Variants in SAFB observed in about 807,000 individuals in gnomAD.
SAFB encodes scaffold attachment factor B.
A neutral mutation model predicts 101.6 loss-of-function variants in SAFB; 15 were observed. The ratio of observed to expected loss-of-function variants is 0.15; its 90% CI spans 0.10 to 0.23. The LOEUF (loss-of-function observed/expected upper bound fraction) is 0.23. Among genes scored for constraint, SAFB ranks in the 10% least tolerant of loss-of-function variants. The probability of loss-of-function intolerance (pLI) is 1.00; values close to 1 mark genes in which losing one functional copy is unlikely to be tolerated. For synonymous variants in SAFB, 449 were observed against 407.5 expected, an observed-to-expected ratio of 1.10 and a Z score of -1.23; for missense variants, 930 against 1,104.1, an observed-to-expected ratio of 0.84 and a Z score of 2.23.
At chr19:5,639,324 G>T (rs1246896422) in intron 2 of SAFB, among the ~76,000 whole-genome samples, 1 of 152,170 alleles carries the variant, frequency 6.6e-6, no homozygotes, top group African/African-American at 2.4e-5. Context: ...TTAGCCTTCA[G>T]TATGGAGGAG....
chr19:5,625,492 G>A (rs1244480814), intron 1 of SAFB, among the ~76,000 whole-genome samples: 1 of 152,208 alleles, frequency 6.6e-6, no homozygotes, highest in Non-Finnish European at 1.5e-5. Context: ...GGGAAACTTG[G>A]AGGCTTCCAA....
chr19:5,667,647 C>T lies in SAFB; in HGVS notation c.2558-173C>T. 1 of 720,366 alleles carries T rather than the reference C, an allele frequency of 1.4e-6. No individual in the cohort carries two copies. The highest frequency in any genetic ancestry group is 2.4e-6 in the Non-Finnish European group (1 of 424,602). The allele number at this position is 720,366 out of a possible 1,614,324, so 44.6% of individuals were successfully genotyped here. A position where few individuals can be genotyped will look rare whatever the true frequency, so the allele number is the denominator to read the frequency against. ...TGGACAGTGGGCGTTCCCGAGTTCT[C>T]TCTGCTGGGAGGAAGCTGGACGTCT... On this transcript the variant is annotated intron_variant, in intron 19 of 20. Transcript: ENST00000588852. This position sits in a 1 kb window ranked among gnomAD's most constrained non-coding sequence, Gnocchi z 4.0.
intron 13 of SAFB, among the ~76,000 whole-genome samples, chr19:5,656,315 A>G (rs996495440): frequency 6.6e-6 from 1 of 152,042 alleles, no homozygotes; most frequent in Non-Finnish European, 1.5e-5. Context: ...TCTGTGGCCC[A>G]GGCTGGAATA....
intron 17 of SAFB, 111 bp from the exon 18 acceptor site, chr19:5,666,935 T>G: frequency 1.3e-6 from 1 of 795,344 alleles, no homozygotes; most frequent in South Asian, 1.3e-5. Flanking sequence ...CTGCCAGCAC[T>G]TCTGTCCCGA....
At chr19:5,656,575 A>AT (rs918418902) in intron 13 of SAFB, among the ~76,000 whole-genome samples, 11,458 of 128,340 alleles carry the variant, frequency 0.089, 735 homozygotes, top group South Asian at 0.13. Flanking sequence ...TGCGCCAGCA[A>AT]TTTTTTTTTT....
rs764089730 is a variant in SAFB at position 5,623,343 on chromosome 19, G to T, written c.138G>T (p.Arg46=). 5 of 1,613,960 alleles carry T rather than the reference G, an allele frequency of 3.1e-6. No homozygotes were observed. Among genetic ancestry groups the T allele is most frequent in the Admixed American group, 1.7e-5 (1 of 60,006 alleles). Residue 46 remains arginine, a synonymous_variant, in exon 1 of 21, where the codon CGG becomes CGT. Coordinates refer to ENST00000588852, the MANE Select transcript of SAFB (RefSeq NM_001201338.2). ...VIDLRAELRK[R]NVDSSGNKSV... ...ATCTGCGGGCGGAGCTGAGGAAACG[G>T]AATGTGGACTCGAGCGGCAACAAGA...
intron 2 of SAFB, among the ~76,000 whole-genome samples, chr19:5,630,165 A>C (rs796773867): frequency 6.6e-6 from 1 of 152,228 alleles, no homozygotes; most frequent in African/African-American, 2.4e-5. Context: ...TGCCTGTTAT[A>C]TAGAAGAAAA....
At position 5,661,516 on chromosome 19, in the gene SAFB, A is replaced by G. The variant is rs778186208; in HGVS notation, c.1863-2A>G. On this transcript the variant is annotated splice_acceptor_variant, in intron 14 of 20. Transcript: ENST00000588852. LOFTEE classifies it high-confidence loss of function. ...CCCTTCTGCAGCTCTACTGTTGTGCAGCAGGGTGCGTGAACGCAGTGAACG... is the reference window on the plus strand; with the variant it reads ...CCCTTCTGCAGCTCTACTGTTGTGCGGCAGGGTGCGTGAACGCAGTGAACG... 3.1e-6 allele frequency: 5 copies of G among 1,612,352 alleles called. No homozygotes were observed. In the South Asian group the frequency reaches 4.4e-5, roughly 14 times the overall value.
intron 1 of SAFB, among the ~76,000 whole-genome samples, chr19:5,625,717 T>G (rs1258618350): frequency 1.3e-5 from 2 of 152,128 alleles, no homozygotes; most frequent in Admixed American, 1.3e-4. Context: ...GACAGAGTCC[T>G]GGGGTGGGAG....
At chr19:5,629,434 A>G (rs2053441086) in intron 2 of SAFB, among the ~76,000 whole-genome samples, 1 of 152,086 alleles carries the variant, frequency 6.6e-6, no homozygotes, top group Admixed American at 6.6e-5. Context: ...GGAAAAAAGT[A>G]AATATATAGG....
intron 5 of SAFB, among the ~76,000 whole-genome samples, chr19:5,646,821 G>A (rs571971890): frequency 2.0e-5 from 3 of 152,290 alleles, no homozygotes; most frequent in East Asian, 1.9e-4. Context: ...AGGAAGGGTG[G>A]TCCCCATGCT....
chr19:5,651,185 C>T, intron 9 of SAFB, 113 bp downstream of exon 9: 1 of 633,218 alleles, frequency 1.6e-6, no homozygotes, highest in South Asian at 2.4e-5. Context: ...GGAGCTTACA[C>T]TTGCTAATGG....
At chr19:5,647,713 C>T (rs981136404) in intron 5 of SAFB, among the ~76,000 whole-genome samples, 1 of 152,222 alleles carries the variant, frequency 6.6e-6, no homozygotes, top group Non-Finnish European at 1.5e-5. Context: ...AATGAAAACA[C>T]TGCTCTCCTT....
Position 5,623,267 on chromosome 19 carries a change from C to T in SAFB, c.62C>T (p.Ser21Phe). Residue 21 changes from serine to phenylalanine, a missense_variant, in exon 1 of 21, where the codon TCC (serine) becomes TTC (phenylalanine). Around this residue, in one of 7 missense-constraint regions of SAFB, gnomAD observed 44 missense variants for 35.8 expected, o/e 1.23. Coordinates refer to ENST00000588852, the MANE Select transcript of SAFB (RefSeq NM_001201338.2). The part of the protein sequence containing the change: ...SGAAGAAALS[S>F]ASSETGTRRL... ...GCGGCGGGCGCGGCGGCTCTGAGCT[C>T]CGCCTCGTCAGAGACCGGGACGCGG... is the stretch of plus-strand genomic sequence containing the variant. 1 of 1,602,522 alleles carries T rather than the reference C, an allele frequency of 6.2e-7. No individual in the cohort carries two copies. Among genetic ancestry groups the T allele is most frequent in the Non-Finnish European group, 8.5e-7 (1 of 1,174,888 alleles).
At chr19:5,662,357 G>C (rs932338025) in intron 15 of SAFB, among the ~76,000 whole-genome samples, 4 of 151,986 alleles carry the variant, frequency 2.6e-5, no homozygotes, top group Admixed American at 6.5e-5. Flanking sequence ...AATTGGTCGT[G>C]GTGACAGGCG....
chr19:5,635,020 C>A (rs1047249295), intron 2 of SAFB, among the ~76,000 whole-genome samples: 4 of 152,062 alleles, frequency 2.6e-5, no homozygotes, highest in Admixed American at 6.5e-5. Context: ...TGCCGGTAAT[C>A]CCAGCTACTC....
chr19:5,623,287 A>T lies in SAFB; in HGVS notation c.82A>T (p.Thr28Ser). Residue 28 changes from threonine (T) to serine (S), a missense_variant, in exon 1 of 21, where the codon ACG (threonine) becomes TCG (serine). Thr to Ser is a moderately conservative substitution (Grantham distance 58, BLOSUM62 1). Coordinates refer to ENST00000588852, the MANE Select transcript of SAFB (RefSeq NM_001201338.2). ...GAGCTCCGCCTCGTCAGAGACCGGG[A>T]CGCGGCGCCTCAGCGACCTGCGAGT... ...ALSSASSETG[T>S]RRLSDLRVID... is the part of the protein sequence containing the mutation. The T allele has an allele frequency of 6.2e-7, 1 of 1,613,370 alleles. No homozygotes were observed. The highest frequency in any genetic ancestry group is 8.5e-7 in the Non-Finnish European group (1 of 1,179,736).
At position 5,650,465 on chromosome 19, in the gene SAFB, G is replaced by T. The variant is rs574093909; in HGVS notation, c.1198+490G>T. Among the ~76,000 whole-genome samples the T allele has an allele frequency of 2.0e-5, 3 of 152,268 alleles. No individual in the cohort carries two copies. In the South Asian group the frequency reaches 6.2e-4, roughly 32 times the overall value. On this transcript the variant is annotated intron_variant, in intron 8 of 20. Transcript: ENST00000588852. The stretch of plus-strand genomic sequence containing the variant: ...CTTGTTCTGTTGCCCAGGCTGGAGT[G>T]CAGTGGCGCGATCTCAGCTCACTGC...
chr19:5,662,894 AGACTCCCAAAGTGCTGG>A (rs1568280804), intron 15 of SAFB, among the ~76,000 whole-genome samples: 1 of 150,932 alleles, frequency 6.6e-6, no homozygotes, highest in Non-Finnish European at 1.5e-5. Context: ...CACCCACCTC[AGACTCCCAAAGTGCTGG>A]GATTACAGGC....
Sources: allele counts gnomAD v4.1 joint callset (sites outside exome capture counted in the v4.1 genomes callset), GRCh38; gene constraint gnomAD v4.1.1; regional missense constraint gnomAD v4.1.1; non-coding constraint Gnocchi (gnomAD v3.1); transcripts MANE v1.5; gene names NCBI Gene and HGNC (gene_info 2026-07-23, HGNC 2026-07-21).